ANGPT1: variants seen among roughly 807,000 people sequenced by gnomAD.
The protein encoded by ANGPT1 is angiopoietin-1.
ANGPT1 carries 17 observed loss-of-function variants against 62.2 expected under a neutral mutation model. The observed-to-expected ratio is 0.27, with a 90% CI of 0.19 to 0.41. ANGPT1 has a LOEUF of 0.41. ANGPT1 is among the 10% of genes least tolerant of loss of function. The pLI is 1.00. For synonymous variants in ANGPT1, 199 were observed against 198.9 expected (o/e 1.00, Z 0.00); for missense variants, 478 against 594.9 (o/e 0.80, Z 2.04).
chr8:107,469,914 C>G (rs1352674577), intron 1 of ANGPT1, among the ~76,000 whole-genome samples: 1 of 152,030 alleles, frequency 6.6e-6, no homozygotes, highest in Non-Finnish European at 1.5e-5. Flanking sequence ...TACCTTTTCA[C>G]AAGGCATACA....
chr8:107,265,155 A>G (rs1319397784), intron 7 of ANGPT1, among the ~76,000 whole-genome samples: 1 of 151,474 alleles, frequency 6.6e-6, no homozygotes, highest in Non-Finnish European at 1.5e-5. Flanking sequence ...TAAAACTTGC[A>G]TTAACCTAGA....
At chr8:107,444,275 G>T (rs966668338) in intron 1 of ANGPT1, among the ~76,000 whole-genome samples, 6 of 152,278 alleles carry the variant, frequency 3.9e-5, no homozygotes, top group African/African-American at 1.4e-4. Flanking sequence ...GAAAGGACAG[G>T]TTTTTAGGAT....
Position 107,251,884 on chromosome 8 carries a change from T to C in ANGPT1, c.1468A>G (p.Thr490Ala). The change falls in exon 9 of 9, where the codon ACT becomes GCT. Residue 490 changes from threonine (T) to alanine (A), a missense_variant. By Grantham distance (58) the Thr-to-Ala change is moderately conservative. This residue lies in a region of ANGPT1 where 35 missense variants were observed against 49.6 expected (regional missense o/e 0.71). Coordinates refer to ENST00000517746, the MANE Select transcript of ANGPT1 (RefSeq NM_001146.5). ...KGPSYSLRST[T>A]MMIRPLDF is the part of the protein sequence containing the mutation. Reference sequence around the variant, plus strand: ...AAATCTAAAGGTCGAATCATCATAGTTGTGGAACGTAAGGAGTAACTGGGC... The same window carrying C: ...AAATCTAAAGGTCGAATCATCATAGCTGTGGAACGTAAGGAGTAACTGGGC... The C allele has an allele frequency of 6.2e-7, 1 of 1,613,960 alleles. No individual in the cohort carries two copies. The highest frequency in any genetic ancestry group is 8.5e-7 in the Non-Finnish European group (1 of 1,179,868).
chr8:107,352,995 A>G (rs764046419), intron 1 of ANGPT1, among the ~76,000 whole-genome samples: 8 of 152,100 alleles, frequency 5.3e-5, no homozygotes, highest in Admixed American at 6.6e-5. Context: ...AGCCAAATAT[A>G]TTATTTTCAG....
chr8:107,428,629 ATT>A (rs1405122929), intron 1 of ANGPT1, among the ~76,000 whole-genome samples: 1 of 139,106 alleles, frequency 7.2e-6, no homozygotes. Flanking sequence ...TAGTTTTTTC[ATT>A]TTGTGTGTGT....
rs143709689 is a variant in ANGPT1, at chr8:107,356,822, A to C, written c.298-9725T>G. On this transcript the variant is annotated intron_variant, in intron 1 of 8. Transcript: ENST00000517746. ...TAATGCCATACCACACACATGCGGC[A>C]AGGGCACAGCATCAGAGTTTTAATA... Among the ~76,000 whole-genome samples the C allele has an allele frequency of 1.4e-3, 208 of 152,350 alleles. 2 individuals carry two copies. In the East Asian group the frequency reaches 0.038, roughly 28 times the overall value.
chr8:107,337,967 G>A (rs1380125341), intron 2 of ANGPT1, among the ~76,000 whole-genome samples: 3 of 152,104 alleles, frequency 2.0e-5, no homozygotes, highest in African/African-American at 7.2e-5. Flanking sequence ...ATGGTGGTTT[G>A]TGCCTGTAGT....
At chr8:107,373,969 A>G (rs1816471395) in intron 1 of ANGPT1, among the ~76,000 whole-genome samples, 1 of 152,232 alleles carries the variant, frequency 6.6e-6, no homozygotes, top group African/African-American at 2.4e-5. Flanking sequence ...TCTCCAGTGA[A>G]AGTCAGCTGT....
At position 107,280,209 on chromosome 8, in the gene ANGPT1, T is replaced by TA. The variant is rs566435768; in HGVS notation, c.1205+4472_1205+4473insT. Among the ~76,000 whole-genome samples, 1,369 of 152,154 alleles carry TA rather than the reference T, an allele frequency of 9.0e-3. 7 individuals carry two copies. Among genetic ancestry groups the TA allele is most frequent in the Middle Eastern group, 0.027 (8 of 294 alleles). ...ATGTTACTTTCTTTCTTTTTTTATT[T>TA]TTTTTTTTGAGATGGCGTTTCACTC... On this transcript the variant is annotated intron_variant, in intron 7 of 8. Coordinates refer to ENST00000517746, the MANE Select transcript of ANGPT1 (RefSeq NM_001146.5).
chr8:107,482,543 C>T (rs77942733), intron 1 of ANGPT1, among the ~76,000 whole-genome samples: 1,858 of 152,208 alleles, frequency 0.012, 16 homozygotes, highest in Non-Finnish European at 0.019. Flanking sequence ...TATTGTAGTG[C>T]ACAAGATGGG....
intron 1 of ANGPT1, among the ~76,000 whole-genome samples, chr8:107,440,132 G>A (rs1811436264): frequency 6.6e-6 from 1 of 152,186 alleles, no homozygotes; most frequent in East Asian, 1.9e-4. Context: ...GGTAGAATAT[G>A]AAAGGTCAGG....
At chr8:107,454,226 G>T (rs1022770011) in intron 1 of ANGPT1, among the ~76,000 whole-genome samples, 1 of 152,046 alleles carries the variant, frequency 6.6e-6, no homozygotes. Flanking sequence ...TTTTTTAATA[G>T]ATGTACTTGA....
chr8:107,254,810 T>C (rs1813321344), intron 8 of ANGPT1, among the ~76,000 whole-genome samples: 1 of 152,150 alleles, frequency 6.6e-6, no homozygotes, highest in Non-Finnish European at 1.5e-5. Context: ...ATTTGTAGTT[T>C]AGCCAGCCTG....
At chr8:107,475,971 T>G (rs11778867) in intron 1 of ANGPT1, among the ~76,000 whole-genome samples, 7,999 of 152,180 alleles carry the variant, frequency 0.053, 234 homozygotes, top group South Asian at 0.11. Flanking sequence ...ATAAGAACAA[T>G]TTTACTCTGT....
chr8:107,389,377 ATC>A (rs1222505344), intron 1 of ANGPT1, among the ~76,000 whole-genome samples: 6 of 152,114 alleles, frequency 3.9e-5, no homozygotes, highest in Non-Finnish European at 8.8e-5. Flanking sequence ...GAGTGCGGTT[ATC>A]CAAAGTTAGA....
In ANGPT1 at chr8:107,367,459, T is replaced by C. The variant is rs186267693; in HGVS notation, c.298-20362A>G. Among the ~76,000 whole-genome samples, 555 of 152,154 alleles carry C rather than the reference T, an allele frequency of 3.6e-3. 5 individuals are homozygous for C. Among genetic ancestry groups the C allele is most frequent in the African/African-American group, 0.013 (535 of 41,510 alleles). ...GGGTGATGATTGCTAAAGGTTGGAG[T>C]GGCTGTGACAATTTTTAAAAATAAA... is the stretch of plus-strand genomic sequence containing the variant. On this transcript the variant is annotated intron_variant, in intron 1 of 8. Transcript: ENST00000517746.
intron 1 of ANGPT1, among the ~76,000 whole-genome samples, chr8:107,496,932 T>A (rs1410905071): frequency 6.6e-6 from 1 of 152,214 alleles, no homozygotes; most frequent in Non-Finnish European, 1.5e-5. Flanking sequence ...CCAACTTGCT[T>A]AAGAGGTACA....
chr8:107,300,296 C>G (rs1290144050), intron 5 of ANGPT1, among the ~76,000 whole-genome samples: 2 of 151,192 alleles, frequency 1.3e-5, no homozygotes, highest in Middle Eastern at 3.4e-3. Flanking sequence ...TTTGTTCTTA[C>G]CAGTGCTATG....
chr8:107,379,365 T>C (rs1816591779), intron 1 of ANGPT1, among the ~76,000 whole-genome samples: 1 of 152,222 alleles, frequency 6.6e-6, no homozygotes, highest in South Asian at 2.1e-4. Context: ...GAACTGGAAG[T>C]ACTTACTCCA....
Sources: gnomAD v4.1 joint callset for allele counts (sites outside exome capture counted in the v4.1 genomes callset) on GRCh38, gnomAD v4.1.1 for gene constraint, gnomAD v4.1.1 regional missense constraint, MANE v1.5 for transcripts, NCBI Gene and HGNC (gene_info 2026-07-23, HGNC 2026-07-21) for gene names.